CX3CR1: variants seen among roughly 807,000 people sequenced by gnomAD.
The protein encoded by CX3CR1 is CX3C chemokine receptor 1.
For missense variants in CX3CR1, 363 were observed against 432.4 expected (o/e 0.84, Z 1.42); for synonymous variants, 168 against 178.5 (o/e 0.94, Z 0.47).
At chr3:39,289,460 C>A in the CX3CR1 span, among the ~76,000 whole-genome samples, 1 of 152,154 alleles carries the variant, frequency 6.6e-6, no homozygotes, top group African/African-American at 2.4e-5. Flanking sequence ...TGAAGCGCAG[C>A]TGTCCCTTCA....
At chr3:39,281,595 C>T (rs778388921), upstream of CX3CR1, 4 of 1,597,426 alleles carry the variant, frequency 2.5e-6, no homozygotes, top group East Asian at 2.2e-5. Flanking sequence ...TCTGTCTTTC[C>T]TCTCACCACT....
the CX3CR1 span, chr3:39,287,718 T>G: frequency 3.3e-5 from 5 of 152,222 alleles, no homozygotes; most frequent in Non-Finnish European, 7.3e-5. Flanking sequence ...TGATCAAGAT[T>G]TTGTAAATCT....
the CX3CR1 span, chr3:39,287,549 C>A: frequency 1.3e-5 from 2 of 152,152 alleles, no homozygotes; most frequent in African/African-American, 4.8e-5. Context: ...GCTTGGTAAA[C>A]GGACTTCAGA....
chr3:39,270,959 G>T (rs1029179680), intron 1 of CX3CR1, among the ~76,000 whole-genome samples: 1 of 152,200 alleles, frequency 6.6e-6, no homozygotes, highest in Admixed American at 6.5e-5. Flanking sequence ...GCAAATAGAT[G>T]AATTCAGAGA....
At chr3:39,286,675 A>AAAG (rs2040946035), upstream of CX3CR1, 1 of 151,590 alleles carries the variant, frequency 6.6e-6, no homozygotes, top group East Asian at 1.9e-4. Context: ...AAAAAAAAAA[A>AAAG]AAAGACTATA....
chr3:39,275,349 G>T (rs541253602), intron 1 of CX3CR1, among the ~76,000 whole-genome samples: 3 of 152,306 alleles, frequency 2.0e-5, no homozygotes, highest in African/African-American at 7.2e-5. Context: ...GAAGGTATGA[G>T]CCTAACTGAA....
chr3:39,266,134 C>T lies in CX3CR1; in HGVS notation c.376G>A (p.Asp126Asn). ...SIFFITVISIDRYLAIVLAAN... is the reference protein window; with the variant it reads ...SIFFITVISINRYLAIVLAAN... The stretch of plus-strand genomic sequence containing the variant: ...GCCAGGACGATGGCCAGGTACCTAT[C>T]AATGCTGATGACGGTGATGAAGAAT... Residue 126 changes from aspartate to asparagine, a missense_variant, in exon 2 of 2, where the codon GAT becomes AAT. Coordinates refer to ENST00000399220, the MANE Select transcript of CX3CR1 (RefSeq NM_001337.4). The T allele has an allele frequency of 1.9e-6, 3 of 1,614,152 alleles. No homozygotes were observed. In the East Asian group the frequency reaches 6.7e-5, roughly 36 times the overall value.
the CX3CR1 span, among the ~76,000 whole-genome samples, chr3:39,291,572 T>C: frequency 6.6e-6 from 1 of 152,224 alleles, no homozygotes; most frequent in Non-Finnish European, 1.5e-5. Context: ...ATCCTTAACC[T>C]TGGCAAACTA....
chr3:39,268,179 T>C (rs2040728384), intron 1 of CX3CR1, among the ~76,000 whole-genome samples: 1 of 152,208 alleles, frequency 6.6e-6, no homozygotes, highest in East Asian at 1.9e-4. Flanking sequence ...GGCCTGCATC[T>C]CACCCAGACT....
chr3:39,272,969 T>A (rs994644179), intron 1 of CX3CR1, among the ~76,000 whole-genome samples: 3 of 152,206 alleles, frequency 2.0e-5, no homozygotes, highest in Admixed American at 2.0e-4. Context: ...ATGATCCCCA[T>A]GGTATAAATT....
chr3:39,283,802 TATATATATA>T (rs2040926284), upstream of CX3CR1, among the ~76,000 whole-genome samples: 2 of 35,880 alleles, frequency 5.6e-5, no homozygotes, highest in African/African-American at 2.5e-4. Flanking sequence ...AAATTATATA[TATATATATA>T]TATATATATA....
rs2040687428 is a variant in CX3CR1 at position 39,265,790 on chromosome 3, A to G, written c.720T>C (p.Phe240=). The part of the protein sequence containing the change: ...IKLILLVVIV[F]FLFWTPYNVM... The stretch of plus-strand genomic sequence containing the variant: ...CGTTGTAGGGTGTCCAGAAGAGGAA[A>G]AACACGATGACCACCAGAAGGATCA... Residue 240 remains phenylalanine, a synonymous_variant, in exon 2 of 2, where the codon TTT becomes TTC. Coordinates refer to ENST00000399220, the MANE Select transcript of CX3CR1 (RefSeq NM_001337.4). The G allele has an allele frequency of 6.2e-7, 1 of 1,614,220 alleles. No homozygotes were observed.
intron 1 of CX3CR1, among the ~76,000 whole-genome samples, chr3:39,275,187 C>T (rs2040825473): frequency 6.6e-6 from 1 of 152,174 alleles, no homozygotes. Context: ...ACTTTCTCCT[C>T]TCTTTGAACA....
At chr3:39,282,354 G>A (rs1222884114), upstream of CX3CR1, among the ~76,000 whole-genome samples, 9 of 152,252 alleles carry the variant, frequency 5.9e-5, no homozygotes, top group Non-Finnish European at 1.3e-4. Context: ...TTATTCCTTA[G>A]ATCCCCGTCT....
rs200607201 is a variant in CX3CR1 at position 39,265,939 on chromosome 3, G to T, written c.571C>A (p.Arg191Ser). The T allele has an allele frequency of 1.2e-6, 2 of 1,614,172 alleles. No homozygotes were observed. Among genetic ancestry groups the T allele is most frequent in the Non-Finnish European group, 8.5e-7 (1 of 1,180,034 alleles). ...EVLQEIWPVL[R>S]NVETNFLGFL... Reference sequence around the variant, plus strand: ...CCAAGAAAATTTGTTTCCACATTGCGGAGCACGGGCCAGATTTCCTGGAGG... The same window carrying T: ...CCAAGAAAATTTGTTTCCACATTGCTGAGCACGGGCCAGATTTCCTGGAGG... Residue 191 changes from arginine to serine, a missense_variant, in exon 2 of 2, where the codon CGC becomes AGC. Arg to Ser is a moderately radical substitution (Grantham distance 110, BLOSUM62 -1). Transcript: ENST00000399220.
rs769293817 is a variant in CX3CR1, at chr3:39,266,289, G to C, written c.221C>G (p.Ala74Gly). The change falls in exon 2 of 2, where the codon GCC becomes GGC. Residue 74 changes from alanine (A) to glycine (G), a missense_variant. By Grantham distance (60) the Ala-to-Gly change is moderately conservative. Transcript: ENST00000399220. The part of the protein sequence containing the change: ...SVTDIYLLNL[A>G]LSDLLFVATL... ...GGCTACAAACAGCAGATCAGACAAG[G>C]CCAGGTTCAGGAGGTAAATGTCGGT... The C allele has an allele frequency of 1.6e-4, 265 of 1,614,070 alleles. No individual in the cohort carries two copies. Among genetic ancestry groups the C allele is most frequent in the Non-Finnish European group, 2.2e-4 (256 of 1,180,056 alleles).
chr3:39,286,693 C>G (rs971114904), upstream of CX3CR1: 1 of 150,318 alleles, frequency 6.7e-6, no homozygotes, highest in East Asian at 2.0e-4. Flanking sequence ...ATAATTGGAC[C>G]ACAAATGAAG....
upstream of CX3CR1, among the ~76,000 whole-genome samples, chr3:39,280,709 T>C (rs1269524108): frequency 3.3e-5 from 5 of 152,190 alleles, no homozygotes; most frequent in African/African-American, 1.2e-4. Flanking sequence ...ACCCAGGACC[T>C]GGCCTATGCT....
intron 1 of CX3CR1, among the ~76,000 whole-genome samples, chr3:39,270,253 T>A (rs1015040201): frequency 6.6e-6 from 1 of 152,220 alleles, no homozygotes; most frequent in Non-Finnish European, 1.5e-5. Flanking sequence ...AAAAATAACC[T>A]CTTAGGTTTG....
Sources: allele counts gnomAD v4.1 joint callset (sites outside exome capture counted in the v4.1 genomes callset), GRCh38; gene constraint gnomAD v4.1.1; transcripts MANE v1.5; gene names NCBI Gene and HGNC (gene_info 2026-07-23, HGNC 2026-07-21).